Variants in RBFOX1 observed in about 807,000 individuals in gnomAD.
The protein encoded by RBFOX1 is RNA binding fox-1 homolog 1.
A neutral mutation model predicts 57.7 loss-of-function variants in RBFOX1; 8 were observed. The observed-to-expected ratio is 0.14, with a 90% CI of 0.08 to 0.25. The LOEUF (loss-of-function observed/expected upper bound fraction) is 0.25. RBFOX1 is among the 10% of genes least tolerant of loss of function. The pLI, the probability that RBFOX1 is intolerant of heterozygous loss-of-function variation, is 1.00. For missense variants in RBFOX1, 611 were observed against 548.5 expected, an observed-to-expected ratio of 1.11 and a Z score of -1.14; for synonymous variants, 326 against 222.4, an observed-to-expected ratio of 1.47 and a Z score of -4.15.
At chr16:6,262,689 A>AT (rs2097708632) in intron 1 of RBFOX1, among the ~76,000 whole-genome samples, 1 of 152,120 alleles carries the variant, frequency 6.6e-6, no homozygotes, top group Non-Finnish European at 1.5e-5. Flanking sequence ...GCTGTGATTT[A>AT]TTATTTAAAG....
intron 2 of RBFOX1, among the ~76,000 whole-genome samples, chr16:6,505,063 A>C (rs1426428010): frequency 1.3e-5 from 2 of 152,092 alleles, no homozygotes; most frequent in Non-Finnish European, 2.9e-5. Flanking sequence ...ACAGAGTGAC[A>C]CTCCGTCTCA....
chr16:5,723,006 A>G (rs1407768947), intron 3 of RBFOX1, among the ~76,000 whole-genome samples: 2 of 152,220 alleles, frequency 1.3e-5, no homozygotes, highest in Admixed American at 1.3e-4. Context: ...CTTAGGGCAC[A>G]TAAGGCTCTC....
chr16:7,445,824 A>C (rs2098803506), intron 4 of RBFOX1, among the ~76,000 whole-genome samples: 1 of 152,306 alleles, frequency 6.6e-6, no homozygotes, highest in East Asian at 1.9e-4. Flanking sequence ...TATTTATAGA[A>C]CCTTTATCTC....
chr16:5,356,470 G>A (rs766453205), intron 1 of RBFOX1, among the ~76,000 whole-genome samples: 1 of 152,106 alleles, frequency 6.6e-6, no homozygotes, highest in Non-Finnish European at 1.5e-5. Flanking sequence ...TCTTCAAGTC[G>A]CCTTGAGGAC....
intron 4 of RBFOX1, among the ~76,000 whole-genome samples, chr16:7,088,975 G>A (rs914404518): frequency 1.3e-5 from 2 of 152,152 alleles, no homozygotes; most frequent in Non-Finnish European, 2.9e-5. Flanking sequence ...TTGCTGTAAA[G>A]GAAGAAGGCC....
At chr16:6,657,662 A>C (rs1347522451) in intron 3 of RBFOX1, among the ~76,000 whole-genome samples, 1 of 152,186 alleles carries the variant, frequency 6.6e-6, no homozygotes, top group Non-Finnish European at 1.5e-5. Flanking sequence ...GCTTCTGGCA[A>C]AATCAGTAAT....
chr16:6,586,827 G>A (rs1326085832), intron 2 of RBFOX1, among the ~76,000 whole-genome samples: 2 of 152,074 alleles, frequency 1.3e-5, no homozygotes, highest in East Asian at 1.9e-4. Flanking sequence ...CTATCACCAC[G>A]TAATTATAGG....
chr16:7,313,245 C>T (rs1407213406), intron 4 of RBFOX1, among the ~76,000 whole-genome samples: 2 of 152,102 alleles, frequency 1.3e-5, no homozygotes, highest in South Asian at 2.1e-4. Context: ...TAAAACTATG[C>T]AATTTTTTGT....
At chr16:7,116,506 T>A (rs1268992156) in intron 4 of RBFOX1, among the ~76,000 whole-genome samples, 2 of 152,144 alleles carry the variant, frequency 1.3e-5, no homozygotes, top group Non-Finnish European at 2.9e-5. Context: ...AGTAAATAAG[T>A]AGTCAAGCTC....
intron 2 of RBFOX1, among the ~76,000 whole-genome samples, chr16:6,596,984 C>A (rs1247066590): frequency 6.6e-6 from 1 of 152,144 alleles, no homozygotes; most frequent in Admixed American, 6.5e-5. Flanking sequence ...AATGAATGAG[C>A]TCTCGAGAGG....
intron 1 of RBFOX1, among the ~76,000 whole-genome samples, chr16:6,273,630 G>C (rs894363251): frequency 2.0e-5 from 3 of 152,070 alleles, no homozygotes; most frequent in African/African-American, 7.2e-5. Flanking sequence ...ATAGGCGTGA[G>C]CCACCATGCT....
intron 3 of RBFOX1, among the ~76,000 whole-genome samples, chr16:5,638,266 A>G (rs2048750957): frequency 6.6e-6 from 1 of 152,200 alleles, no homozygotes; most frequent in Admixed American, 6.5e-5. Context: ...GACAGGTGGA[A>G]GAGCCTGGGG....
intron 2 of RBFOX1, among the ~76,000 whole-genome samples, chr16:5,550,078 G>C (rs778834105): frequency 6.6e-6 from 1 of 152,190 alleles, no homozygotes; most frequent in Non-Finnish European, 1.5e-5. Context: ...AATGCAAAAT[G>C]TTATGCTCAG....
At chr16:6,441,393 T>C (rs778034632) in intron 2 of RBFOX1, among the ~76,000 whole-genome samples, 1 of 152,042 alleles carries the variant, frequency 6.6e-6, no homozygotes, top group Non-Finnish European at 1.5e-5. Context: ...TTTTATTTTC[T>C]TGTTTTTTTG....
At chr16:6,659,017 C>G (rs757532354) in intron 3 of RBFOX1, among the ~76,000 whole-genome samples, 3 of 151,536 alleles carry the variant, frequency 2.0e-5, no homozygotes, top group Non-Finnish European at 4.4e-5. Context: ...GGGAGGTAAC[C>G]CATCACTTGG....
At chr16:6,580,769 T>C (rs1049199887) in intron 2 of RBFOX1, among the ~76,000 whole-genome samples, 1 of 152,168 alleles carries the variant, frequency 6.6e-6, no homozygotes, top group African/African-American at 2.4e-5. Context: ...ACAAAGCTAA[T>C]GAAGCCCTGG....
At chr16:7,202,793 C>T (rs866428422) in intron 4 of RBFOX1, among the ~76,000 whole-genome samples, 9 of 152,300 alleles carry the variant, frequency 5.9e-5, no homozygotes, top group Middle Eastern at 3.4e-3. Context: ...GAAACCATCC[C>T]CTGCAACAGC....
chr16:5,462,052 C>T (rs1364161198), intron 1 of RBFOX1, among the ~76,000 whole-genome samples: 1 of 152,148 alleles, frequency 6.6e-6, no homozygotes, highest in Non-Finnish European at 1.5e-5. Context: ...CAGCTCCTCA[C>T]ACCATCACTG....
intron 2 of RBFOX1, among the ~76,000 whole-genome samples, chr16:5,472,733 A>G (rs1045131482): frequency 1.3e-5 from 2 of 152,170 alleles, no homozygotes; most frequent in Non-Finnish European, 2.9e-5. Flanking sequence ...ATTTCCTAAC[A>G]GAAGGAATGT....
Sources: gnomAD v4.1 joint callset for allele counts (sites outside exome capture counted in the v4.1 genomes callset) on GRCh38, gnomAD v4.1.1 for gene constraint, MANE v1.5 for transcripts, NCBI Gene and HGNC (gene_info 2026-07-23, HGNC 2026-07-21) for gene names.